The following NXPH1 variants were observed in gnomAD, a reference collection of about 807,000 sequenced individuals.
The protein encoded by NXPH1 is neurexophilin-1.
NXPH1 carries 5 observed loss-of-function variants against 23.7 expected under a neutral mutation model. The ratio of observed to expected loss-of-function variants is 0.21; its 90% confidence interval spans 0.11 to 0.44. The LOEUF (loss-of-function observed/expected upper bound fraction) is 0.44, where lower values mean the gene tolerates loss of function less well. Ranked by LOEUF, NXPH1 falls within the 20% of genes least tolerant of loss-of-function variation. The pLI is 0.99. For missense variants in NXPH1, 324 were observed against 321.6 expected, an observed-to-expected ratio of 1.01 and a Z score of -0.06; for synonymous variants, 144 against 122.2, an observed-to-expected ratio of 1.18 and a Z score of -1.18.
intron 2 of NXPH1, among the ~76,000 whole-genome samples, chr7:8,673,240 T>C (rs549362172): frequency 2.0e-5 from 3 of 152,212 alleles, no homozygotes; most frequent in South Asian, 4.1e-4. Context: ...GCAAAAGTTA[T>C]TTGAGTGAGA....
intron 2 of NXPH1, among the ~76,000 whole-genome samples, chr7:8,621,490 CTT>C (rs113473603): frequency 1.3e-4 from 18 of 140,212 alleles, no homozygotes; most frequent in East Asian, 2.4e-4. Context: ...GCTAGCCACT[CTT>C]TTTTTTTTTT....
chr7:8,466,232 A>G (rs1272686217), intron 2 of NXPH1, among the ~76,000 whole-genome samples: 1 of 152,202 alleles, frequency 6.6e-6, no homozygotes, highest in Admixed American at 6.5e-5. Flanking sequence ...GAGCTTTTGA[A>G]TTTGCTTTGT....
intron 2 of NXPH1, among the ~76,000 whole-genome samples, chr7:8,710,990 C>T (rs1779786252): frequency 6.6e-6 from 1 of 152,212 alleles, no homozygotes; most frequent in African/African-American, 2.4e-5. Flanking sequence ...CACAAGGATA[C>T]TGTATTCCAT....
At chr7:8,532,737 G>T (rs900419226) in intron 2 of NXPH1, among the ~76,000 whole-genome samples, 1 of 152,080 alleles carries the variant, frequency 6.6e-6, no homozygotes, top group African/African-American at 2.4e-5. Flanking sequence ...TGCGCCCTGG[G>T]TGAGAATCCG....
chr7:8,522,436 G>C (rs898540704), intron 2 of NXPH1, among the ~76,000 whole-genome samples: 1 of 152,150 alleles, frequency 6.6e-6, no homozygotes, highest in African/African-American at 2.4e-5. Context: ...AAGTCCCTTA[G>C]AAAATGGATC....
intron 2 of NXPH1, among the ~76,000 whole-genome samples, chr7:8,522,086 G>A (rs1817781635): frequency 6.6e-6 from 1 of 152,178 alleles, no homozygotes; most frequent in Non-Finnish European, 1.5e-5. Flanking sequence ...GGTAGTTATT[G>A]TTCTTAAGAG....
At chr7:8,735,549 T>C (rs1780235125) in intron 2 of NXPH1, among the ~76,000 whole-genome samples, 1 of 152,220 alleles carries the variant, frequency 6.6e-6, no homozygotes. Context: ...CAGTATTTTA[T>C]TGAGGATTTT....
chr7:8,517,743 A>T (rs184729131), intron 2 of NXPH1, among the ~76,000 whole-genome samples: 167 of 152,150 alleles, frequency 1.1e-3, no homozygotes, highest in South Asian at 1.7e-3. Context: ...AACAACATTG[A>T]TTTTTCTTAT....
intron 2 of NXPH1, among the ~76,000 whole-genome samples, chr7:8,698,667 C>G (rs1779573591): frequency 1.3e-5 from 2 of 152,150 alleles, no homozygotes; most frequent in Non-Finnish European, 2.9e-5. Context: ...GAGTGATAAA[C>G]TATTGCTATA....
chr7:8,642,430 C>G (rs1452621123), intron 2 of NXPH1, among the ~76,000 whole-genome samples: 1 of 152,134 alleles, frequency 6.6e-6, no homozygotes, highest in Non-Finnish European at 1.5e-5. Flanking sequence ...ATTCTTAATT[C>G]AAATGATATC....
chr7:8,624,679 A>T (rs748311346), intron 2 of NXPH1, among the ~76,000 whole-genome samples: 7 of 152,160 alleles, frequency 4.6e-5, no homozygotes, highest in Non-Finnish European at 8.8e-5. Flanking sequence ...AGGGTCATTA[A>T]AGTAAAGATA....
chr7:8,514,921 A>C (rs770420125), intron 2 of NXPH1, among the ~76,000 whole-genome samples: 32 of 152,126 alleles, frequency 2.1e-4, no homozygotes, highest in Non-Finnish European at 4.6e-4. Context: ...TTTTACGGTC[A>C]GTTTAATTCA....
chr7:8,609,069 T>C (rs1278813756), intron 2 of NXPH1, among the ~76,000 whole-genome samples: 1 of 152,154 alleles, frequency 6.6e-6, no homozygotes, highest in African/African-American at 2.4e-5. Context: ...ACATCACTGT[T>C]TACAAGAACC....
In NXPH1 at chr7:8,687,353, C is replaced by A. The variant is rs186246035; in HGVS notation, c.55-63655C>A. Among the ~76,000 whole-genome samples the A allele has an allele frequency of 1.8e-3, 269 of 152,196 alleles. 2 individuals carry two copies. The highest frequency in any genetic ancestry group is 0.014 in the Middle Eastern group (4 of 294). On this transcript the variant is annotated intron_variant, in intron 2 of 2. Transcript: ENST00000405863. ...CATGAGACACAGAGAATCCAAATTTCATCAAATCTTTTAATATTTAGTAGG... is the reference window on the plus strand; with the variant it reads ...CATGAGACACAGAGAATCCAAATTTAATCAAATCTTTTAATATTTAGTAGG...
At position 8,712,353 on chromosome 7, in the gene NXPH1, A is replaced by G. The variant is rs143774899; in HGVS notation, c.55-38655A>G. The stretch of plus-strand genomic sequence containing the variant: ...ATAATAAATCTTTGTGTCAGCACCT[A>G]TCCTGATCTCACCAGATTTCATTTT... On this transcript the variant is annotated intron_variant, in intron 2 of 2. Transcript: ENST00000405863. 1.4e-3 allele frequency among the ~76,000 whole-genome samples: 207 copies of G among 152,358 alleles called. 1 individual carries two copies. The highest frequency in any genetic ancestry group is 4.9e-3 in the African/African-American group (203 of 41,580).
At chr7:8,437,241 C>T (rs1159551233) in intron 2 of NXPH1, among the ~76,000 whole-genome samples, 1 of 152,194 alleles carries the variant, frequency 6.6e-6, no homozygotes, top group Non-Finnish European at 1.5e-5. Flanking sequence ...GTGTCCTTCC[C>T]ATTTCCCATC....
At chr7:8,719,384 T>G (rs561595915) in intron 2 of NXPH1, among the ~76,000 whole-genome samples, 19 of 152,322 alleles carry the variant, frequency 1.2e-4, no homozygotes, top group African/African-American at 4.3e-4. Context: ...TCTCTGGAAC[T>G]CTAATGGGAT....
chr7:8,567,128 T>A (rs2057747), intron 2 of NXPH1, among the ~76,000 whole-genome samples: 36,876 of 151,814 alleles, frequency 0.24, 4,530 homozygotes, highest in Admixed American at 0.27. Context: ...TCTGGTCCCT[T>A]ATACTGTTAG....
chr7:8,509,698 T>A (rs1239017696), intron 2 of NXPH1, among the ~76,000 whole-genome samples: 2 of 152,058 alleles, frequency 1.3e-5, no homozygotes, highest in Admixed American at 1.3e-4. Context: ...AGGCGTGACA[T>A]GTCTATTTGG....
Sources: gnomAD v4.1 joint callset for allele counts (sites outside exome capture counted in the v4.1 genomes callset) on GRCh38, gnomAD v4.1.1 for gene constraint, MANE v1.5 for transcripts, NCBI Gene and HGNC (gene_info 2026-07-23, HGNC 2026-07-21) for gene names.